The following RAPGEF4 variants were observed in gnomAD, a reference collection of about 807,000 sequenced individuals.
RAPGEF4 encodes the protein RAP guanine-nucleotide-exchange factor (GEF) 4.
RAPGEF4 carries 66 observed loss-of-function variants against 147.9 expected under a neutral mutation model. The observed-to-expected ratio is 0.45, with a 90% confidence interval of 0.37 to 0.55. RAPGEF4 has a LOEUF of 0.55. RAPGEF4 is among the 20% of genes least tolerant of loss of function. The pLI, the probability that RAPGEF4 is intolerant of heterozygous loss-of-function variation, is 0.00. For synonymous variants in RAPGEF4, 419 were observed against 442.7 expected (o/e 0.95, Z 0.67); for missense variants, 1,071 against 1,257.3 (o/e 0.85, Z 2.24).
At chr2:172,927,472 C>T (rs1575270563) in intron 6 of RAPGEF4, among the ~76,000 whole-genome samples, 1 of 152,190 alleles carries the variant, frequency 6.6e-6, no homozygotes, top group South Asian at 2.1e-4. Context: ...CTCATACAAA[C>T]TTAAAACATT....
chr2:172,954,168 C>T (rs1688500078), intron 6 of RAPGEF4, among the ~76,000 whole-genome samples: 1 of 152,124 alleles, frequency 6.6e-6, no homozygotes, highest in Non-Finnish European at 1.5e-5. Flanking sequence ...AACGCCCCAT[C>T]CCCAGGAGTT....
intron 6 of RAPGEF4, among the ~76,000 whole-genome samples, chr2:172,926,137 T>C (rs1239600626): frequency 1.3e-5 from 2 of 151,856 alleles, no homozygotes; most frequent in Admixed American, 1.3e-4. Flanking sequence ...ATAAAGCAAG[T>C]TGATTATTTT....
At chr2:172,936,959 G>A (rs1686638302) in intron 6 of RAPGEF4, among the ~76,000 whole-genome samples, 1 of 145,386 alleles carries the variant, frequency 6.9e-6, no homozygotes, top group African/African-American at 2.5e-5. Flanking sequence ...CAGCACTTTG[G>A]GAGGCCAAGG....
chr2:173,036,746 ATTTT>A, intron 29 of RAPGEF4, 54 bp downstream of exon 29: 1 of 1,307,514 alleles, frequency 7.6e-7, no homozygotes, highest in Non-Finnish European at 1.1e-6. Flanking sequence ...TAAAATTTGC[ATTTT>A]TTCTAATAAA....
intron 6 of RAPGEF4, among the ~76,000 whole-genome samples, chr2:172,956,479 T>C (rs1688744863): frequency 2.0e-5 from 3 of 150,434 alleles, no homozygotes; most frequent in South Asian, 4.2e-4. Flanking sequence ...TTTCTTTTTT[T>C]TTTTTTTTGA....
At position 173,016,453 on chromosome 2, in the gene RAPGEF4, A is replaced by T. The variant is rs375113482; in HGVS notation, c.1898+16A>T. The T allele has an allele frequency of 1.4e-5, 22 of 1,580,568 alleles. No individual in the cohort carries two copies. Among genetic ancestry groups the T allele is most frequent in the Non-Finnish European group, 1.9e-5 (22 of 1,149,754 alleles). On this transcript the variant is annotated intron_variant, in intron 19 of 30. Coordinates refer to ENST00000397081, the MANE Select transcript of RAPGEF4 (RefSeq NM_007023.4). ...TCAAGCAAATGTAAGGAAGGGCTTG[A>T]CTGTGGGGGTGTGCTTTCATCAAGT...
chr2:172,976,062 A>G (rs1176944254), intron 10 of RAPGEF4, among the ~76,000 whole-genome samples: 1 of 152,236 alleles, frequency 6.6e-6, no homozygotes, highest in Non-Finnish European at 1.5e-5. Context: ...ACAAGTATTC[A>G]TAAAGCTTTT....
At chr2:172,841,564 G>A (rs528768088) in intron 4 of RAPGEF4, among the ~76,000 whole-genome samples, 1 of 152,042 alleles carries the variant, frequency 6.6e-6, no homozygotes, top group African/African-American at 2.4e-5. Context: ...AATGACAGCT[G>A]TCTAGGGTGC....
At chr2:172,857,174 G>GCACA (rs34315927) in intron 4 of RAPGEF4, among the ~76,000 whole-genome samples, 3,122 of 150,156 alleles carry the variant, frequency 0.021, 33 homozygotes, top group East Asian at 0.039. Context: ...GTGTGCGCGC[G>GCACA]CACACACACA....
chr2:172,749,622 G>C (rs1695085902), intron 1 of RAPGEF4, among the ~76,000 whole-genome samples: 2 of 152,214 alleles, frequency 1.3e-5, no homozygotes, highest in South Asian at 2.1e-4. Context: ...AAAGGTCTCT[G>C]ACGTGCCCTG....
chr2:172,842,872 T>C (rs1419661182), intron 4 of RAPGEF4, among the ~76,000 whole-genome samples: 1 of 152,124 alleles, frequency 6.6e-6, no homozygotes, highest in African/African-American at 2.4e-5. Context: ...TTGTGGCCAT[T>C]TGGGAAAACA....
At chr2:172,909,532 C>A (rs1161553615) in intron 4 of RAPGEF4, among the ~76,000 whole-genome samples, 1 of 152,044 alleles carries the variant, frequency 6.6e-6, no homozygotes, top group Admixed American at 6.5e-5. Flanking sequence ...GGGAAGTGCA[C>A]CAGGGCCCCA....
intron 27 of RAPGEF4, among the ~76,000 whole-genome samples, chr2:173,035,483 C>A (rs1683865845): frequency 1.3e-5 from 2 of 150,856 alleles, no homozygotes; most frequent in Non-Finnish European, 2.9e-5. Flanking sequence ...TGCACTCCAG[C>A]CTGGGTGACA....
intron 17 of RAPGEF4, among the ~76,000 whole-genome samples, chr2:173,007,996 C>T (rs1041149469): frequency 2.6e-5 from 4 of 152,128 alleles, no homozygotes; most frequent in Non-Finnish European, 4.4e-5. Flanking sequence ...AATCTCATCT[C>T]GAATTGTAAT....
chr2:172,882,377 C>T (rs1026580997), intron 4 of RAPGEF4, among the ~76,000 whole-genome samples: 2 of 152,190 alleles, frequency 1.3e-5, no homozygotes, highest in African/African-American at 4.8e-5. Flanking sequence ...GTCTTCATTA[C>T]ACACTTAATG....
At chr2:173,011,977 C>T (rs6714492) in intron 17 of RAPGEF4, among the ~76,000 whole-genome samples, 2,446 of 152,174 alleles carry the variant, frequency 0.016, 70 homozygotes, top group African/African-American at 0.056. Context: ...CCTCTCTATG[C>T]TGTTTCCATC....
At chr2:173,032,703 G>T (rs917776767) in intron 26 of RAPGEF4, among the ~76,000 whole-genome samples, 4 of 152,164 alleles carry the variant, frequency 2.6e-5, no homozygotes, top group Admixed American at 6.5e-5. Flanking sequence ...CCAGAAAAAT[G>T]AGTTTGGAGG....
chr2:172,763,616 C>T (rs1373973911), intron 1 of RAPGEF4, among the ~76,000 whole-genome samples: 1 of 152,116 alleles, frequency 6.6e-6, no homozygotes, highest in Non-Finnish European at 1.5e-5. Flanking sequence ...TTCCTGGTTT[C>T]AAGAAGCCCC....
chr2:172,921,382 C>G (rs964668858), intron 5 of RAPGEF4, among the ~76,000 whole-genome samples: 3 of 152,154 alleles, frequency 2.0e-5, no homozygotes, highest in Non-Finnish European at 4.4e-5. Flanking sequence ...GCCACTGCAT[C>G]CAGCTAGCAC....
Sources: gnomAD v4.1 joint callset for allele counts (sites outside exome capture counted in the v4.1 genomes callset) on GRCh38, gnomAD v4.1.1 for gene constraint, MANE v1.5 for transcripts, NCBI Gene and HGNC (gene_info 2026-07-23, HGNC 2026-07-21) for gene names.